ZNF426: variants seen among roughly 807,000 people sequenced by gnomAD.
The protein encoded by ZNF426 is CTC-543D15.7.
A neutral mutation model predicts 24.0 loss-of-function variants in ZNF426; 23 were observed. The observed-to-expected ratio is 0.96, with a 90% CI of 0.69 to 1.36. The LOEUF is 1.36. Among genes scored for constraint, ZNF426 ranks in the 40% most tolerant of loss-of-function variants. The pLI is 0.00. For missense variants in ZNF426, 646 were observed against 658.4 expected (o/e 0.98, Z 0.21); for synonymous variants, 272 against 224.6 (o/e 1.21, Z -1.89).
intron 3 of ZNF426, 74 bp from the exon 4 acceptor site, chr19:9,535,353 C>G: frequency 9.5e-7 from 1 of 1,053,584 alleles, no homozygotes; most frequent in Non-Finnish European, 1.4e-6. Flanking sequence ...AGGTCATTAC[C>G]TCCTAGTATG....
In ZNF426 at chr19:9,528,480, T is replaced by C. The variant is rs767136395; in HGVS notation, c.1565A>G (p.His522Arg). The C allele has an allele frequency of 7.4e-6, 12 of 1,614,146 alleles. No individual in the cohort carries two copies. The highest frequency in any genetic ancestry group is 5.0e-5 in the Admixed American group (3 of 60,012). Reference sequence around the variant, plus strand: ...TTTCTCTTCTGTGTGAGTTTTTTCATGAATTCTAAAGGAACTGGAACACGT... The same window carrying C: ...TTTCTCTTCTGTGTGAGTTTTTTCACGAATTCTAAAGGAACTGGAACACGT... ...AFTCSSSFRI[H>R]EKTHTEEKPY... The change falls in exon 8 of 8, where the codon CAT (histidine) becomes CGT (arginine). Residue 522 changes from histidine to arginine, a missense_variant. Coordinates refer to ENST00000253115, the MANE Select transcript of ZNF426 (RefSeq NM_024106.3).
chr19:9,533,037 C>T lies in ZNF426; in HGVS notation c.245-112G>A, dbSNP rs58663455. On this transcript the variant is annotated intron_variant, in intron 5 of 7. Coordinates refer to ENST00000253115, the MANE Select transcript of ZNF426 (RefSeq NM_024106.3). ...AAGTGGTGAAGCTATTTCAAAAGGGCGAAAAATGCAAATAACAACTCTGAC... is the reference window on the plus strand; with the variant it reads ...AAGTGGTGAAGCTATTTCAAAAGGGTGAAAAATGCAAATAACAACTCTGAC... The T allele has an allele frequency of 3.2e-3, 2,829 of 895,000 alleles. 46 individuals carry two copies. The African/African-American group carries it at 0.039, about 12-fold the overall frequency. The allele number at this position is 895,000 out of a possible 1,614,324, so 55.4% of individuals were successfully genotyped here.
At chr19:9,535,997 T>G (rs1178957722) in intron 3 of ZNF426, among the ~76,000 whole-genome samples, 1 of 152,150 alleles carries the variant, frequency 6.6e-6, no homozygotes, top group Non-Finnish European at 1.5e-5. Flanking sequence ...CATGGGACTC[T>G]ATCATGCTGA....
chr19:9,536,273 T>A lies in ZNF426; in HGVS notation c.-41A>T, dbSNP rs1430918391. The A allele has an allele frequency of 6.2e-7, 1 of 1,614,088 alleles. No homozygotes were observed. The highest frequency in any genetic ancestry group is 1.1e-5 in the South Asian group (1 of 91,074). On this transcript the variant is annotated 5_prime_UTR_variant, in exon 3 of 8. Coordinates refer to ENST00000253115, the MANE Select transcript of ZNF426 (RefSeq NM_024106.3). ...CGTGTCAGAACCCTCCTTTCATTGA[T>A]GTCACCATCACTTCAGGACACCTCA... is the stretch of plus-strand genomic sequence containing the variant.
chr19:9,526,752 C>T lies in ZNF426; in HGVS notation c.*1628G>A, dbSNP rs932983693. 7.9e-5 allele frequency: 12 copies of T among 151,790 alleles called. No homozygotes were observed. The highest frequency in any genetic ancestry group is 1.3e-4 in the Admixed American group (2 of 15,232). 9.4% of individuals were successfully genotyped at this position (151,790 alleles called of 1,614,324 possible). A position where few individuals can be genotyped will look rare whatever the true frequency, so the allele number is the denominator to read the frequency against. On this transcript the variant is annotated 3_prime_UTR_variant, in exon 8 of 8. Transcript: ENST00000253115. ...GAGGCTAAGCAAACACCAAGAAGGA[C>T]GAGCACCAAAAACCTATACCTAGGC...
Position 9,528,476 on chromosome 19 carries a change from T to C in ZNF426, c.1569A>G (p.Glu523=), listed in dbSNP as rs759944931. The stretch of plus-strand genomic sequence containing the variant: ...AGGGTTTCTCTTCTGTGTGAGTTTT[T>C]TCATGAATTCTAAAGGAACTGGAAC... The part of the protein sequence containing the change: ...FTCSSSFRIH[E]KTHTEEKPYK... Residue 523 remains glutamate (E), a synonymous_variant, in exon 8 of 8, where the codon GAA becomes GAG. Transcript: ENST00000253115. 3.7e-6 allele frequency: 6 copies of C among 1,614,002 alleles called. No homozygotes were observed. Among genetic ancestry groups the C allele is most frequent in the Non-Finnish European group, 5.1e-6 (6 of 1,180,026 alleles).
rs1185808748 is a variant in ZNF426 at position 9,527,239 on chromosome 19, A to AAAATTC, written c.*1140_*1141insGAATTT. 2 of 152,202 alleles carry AAAATTC rather than the reference A, an allele frequency of 1.3e-5. No individual in the cohort carries two copies. The highest frequency in any genetic ancestry group is 2.9e-5 in the Non-Finnish European group (2 of 68,036). The allele number at this position is 152,202 out of a possible 1,614,324, so 9.4% of individuals were successfully genotyped here. On this transcript the variant is annotated 3_prime_UTR_variant, in exon 8 of 8. Coordinates refer to ENST00000253115, the MANE Select transcript of ZNF426 (RefSeq NM_024106.3). ...GTGTAAAAAAAATTCTGTGGAATTA[A>AAAATTC]TGTAAGGCTTCCTACATGCATTACA...
chr19:9,538,623 C>T lies in ZNF426; in HGVS notation c.-260G>A, dbSNP rs2074004618. 6.6e-6 allele frequency: 1 copy of T among 152,272 alleles called. No individual in the cohort carries two copies. The highest frequency in any genetic ancestry group is 2.4e-5 in the African/African-American group (1 of 41,464). The allele number at this position is 152,272 out of a possible 1,614,324, so 9.4% of individuals were successfully genotyped here. A position where few individuals can be genotyped will look rare whatever the true frequency, so the allele number is the denominator to read the frequency against. On this transcript the variant is annotated 5_prime_UTR_variant, in exon 1 of 8. Coordinates refer to ENST00000253115, the MANE Select transcript of ZNF426 (RefSeq NM_024106.3). ...TGAAAGGCAAAAAGACTCTCAGGCGCTCACAGCCGGCGTCACAAAAGGAAC... is the reference window on the plus strand; with the variant it reads ...TGAAAGGCAAAAAGACTCTCAGGCGTTCACAGCCGGCGTCACAAAAGGAAC...
chr19:9,532,597 G>A (rs1228305671), intron 6 of ZNF426, among the ~76,000 whole-genome samples: 2 of 151,966 alleles, frequency 1.3e-5, no homozygotes, highest in South Asian at 2.1e-4. Context: ...ATGCCTGGCC[G>A]AGTTTCCCAT....
intron 7 of ZNF426, among the ~76,000 whole-genome samples, chr19:9,529,907 G>C (rs1568483584): frequency 6.6e-6 from 1 of 151,916 alleles, no homozygotes; most frequent in Non-Finnish European, 1.5e-5. Context: ...GATCACCTGA[G>C]GTCAGGAGTT....
Position 9,527,482 on chromosome 19 carries a change from AT to A in ZNF426, c.*897del, listed in dbSNP as rs2073807313. 2 of 152,180 alleles carry A rather than the reference AT, an allele frequency of 1.3e-5. No homozygotes were observed. The highest frequency in any genetic ancestry group is 2.9e-5 in the Non-Finnish European group (2 of 68,022). 9.4% of individuals were successfully genotyped at this position (152,180 alleles called of 1,614,324 possible). On this transcript the variant is annotated 3_prime_UTR_variant, in exon 8 of 8. Coordinates refer to ENST00000253115, the MANE Select transcript of ZNF426 (RefSeq NM_024106.3). The stretch of plus-strand genomic sequence containing the variant: ...ACGACCAGACAACTTGCATGTGAAT[AT>A]TAAAATATAGTGAACATTCACAGGC...
chr19:9,529,062 C>T lies in ZNF426; in HGVS notation c.983G>A (p.Arg328Lys), dbSNP rs1057069784. Reference sequence around the variant, plus strand: ...ATAGGGTTTCTCTCCAGTGTGAGTTCTTCCATGTATCTGAAATGAGTTGGA... The same window carrying T: ...ATAGGGTTTCTCTCCAGTGTGAGTTTTTCCATGTATCTGAAATGAGTTGGA... Reference protein sequence around the residue: ...NYSNSFQIHGRTHTGEKPYVC... With the variant: ...NYSNSFQIHGKTHTGEKPYVC... The change falls in exon 8 of 8, where the codon AGA (arginine) becomes AAA (lysine). Residue 328 changes from arginine (R) to lysine (K), a missense_variant. Transcript: ENST00000253115. The T allele has an allele frequency of 6.2e-7, 1 of 1,613,496 alleles. No homozygotes were observed. The highest frequency in any genetic ancestry group is 1.3e-5 in the African/African-American group (1 of 74,898).
chr19:9,538,027 A>C (rs73923611), intron 2 of ZNF426, among the ~76,000 whole-genome samples: 4,205 of 152,260 alleles, frequency 0.028, 193 homozygotes, highest in African/African-American at 0.097. Flanking sequence ...ATGAATTATT[A>C]TTCTTAGTAT....
Position 9,535,200 on chromosome 19 carries a change from T to C in ZNF426, c.105A>G (p.Thr35=), listed in dbSNP as rs1446557487. The C allele has an allele frequency of 1.2e-6, 2 of 1,612,742 alleles. No individual in the cohort carries two copies. The highest frequency in any genetic ancestry group is 2.7e-5 in the African/African-American group (2 of 74,846). The change falls in exon 4 of 8, where the codon ACA becomes ACG. Residue 35 remains threonine, a synonymous_variant. Transcript: ENST00000253115. Reference sequence around the variant, plus strand: ...AGCTGCTTTTTACCTGATAACAATCTGTTAGGCAGTCAGCCACTATTCTTC... The same window carrying C: ...AGCTGCTTTTTACCTGATAACAATCCGTTAGGCAGTCAGCCACTATTCTTC... ...PAGRIVADCL[T]DCYQDSVTFD...
intron 2 of ZNF426, among the ~76,000 whole-genome samples, chr19:9,537,928 G>C (rs1267570345): frequency 6.6e-6 from 1 of 152,028 alleles, no homozygotes. Context: ...TGTGATACTA[G>C]AATAATAAAG....
Position 9,536,219 on chromosome 19 carries a change from T to A in ZNF426, c.14A>T (p.Asp5Val), listed in dbSNP as rs747102445. The A allele has an allele frequency of 1.2e-6, 2 of 1,614,134 alleles. No individual in the cohort carries two copies. Among genetic ancestry groups the A allele is most frequent in the Admixed American group, 3.3e-5 (2 of 60,018 alleles). Residue 5 changes from aspartate to valine, a missense_variant, in exon 3 of 8, where the codon GAT becomes GTT. By Grantham distance (152) the Asp-to-Val change is radical. Coordinates refer to ENST00000253115, the MANE Select transcript of ZNF426 (RefSeq NM_024106.3). ...GCAACAGAGCTTACCATGGGACAAA[T>A]CAGCAGCTGCCATCCCGCGAGGTGA... MAAA[D>V]LSHGHYLSGD...
chr19:9,524,003 GT>G lies in ZNF426; in HGVS notation c.*4376del, dbSNP rs1195082234. The stretch of plus-strand genomic sequence containing the variant: ...ATTAAAGCTTGTGGAACATAAAAGG[GT>G]TTTCCCACAATCCTTGAATTCATAG... On this transcript the variant is annotated 3_prime_UTR_variant, in exon 8 of 8. Transcript: ENST00000253115. The G allele has an allele frequency of 6.6e-6, 1 of 152,274 alleles. No homozygotes were observed. The highest frequency in any genetic ancestry group is 2.4e-5 in the African/African-American group (1 of 41,442). 9.4% of individuals were successfully genotyped at this position (152,274 alleles called of 1,614,324 possible).
Position 9,527,838 on chromosome 19 carries a change from GCT to G in ZNF426, c.*540_*541del, listed in dbSNP as rs1383013962. 1 of 152,356 alleles carries G rather than the reference GCT, an allele frequency of 6.6e-6. No homozygotes were observed. The highest frequency in any genetic ancestry group is 1.5e-5 in the Non-Finnish European group (1 of 68,220). 9.4% of individuals were successfully genotyped at this position (152,356 alleles called of 1,614,324 possible). A position where few individuals can be genotyped will look rare whatever the true frequency, so the allele number is the denominator to read the frequency against. On this transcript the variant is annotated 3_prime_UTR_variant, in exon 8 of 8. Coordinates refer to ENST00000253115, the MANE Select transcript of ZNF426 (RefSeq NM_024106.3). ...CTTTGATAGAAGGATCTGTCCCAGT[GCT>G]CTGTCTTTGGCTTGCAGATGGCCAT...
Position 9,532,852 on chromosome 19 carries a change from A to T in ZNF426, c.318T>A (p.Val106=). ...TTCTTCATGAACACTCACCTTGGAG[A>T]ACTCCTCCCTGAACTGTCCTTGACT... is the stretch of plus-strand genomic sequence containing the variant. The part of the protein sequence containing the change: ...QEESRTVQGG[V]LQGWEMRLET... The change falls in exon 6 of 8, where the codon GTT becomes GTA. Residue 106 remains valine (V), a synonymous_variant. Transcript: ENST00000253115. The T allele has an allele frequency of 1.2e-6, 2 of 1,613,172 alleles. No homozygotes were observed. The highest frequency in any genetic ancestry group is 8.5e-7 in the Non-Finnish European group (1 of 1,179,384).
Sources: gnomAD v4.1 joint callset for allele counts (sites outside exome capture counted in the v4.1 genomes callset) on GRCh38, gnomAD v4.1.1 for gene constraint, MANE v1.5 for transcripts, NCBI Gene and HGNC (gene_info 2026-07-23, HGNC 2026-07-21) for gene names.